EFCAB6: variants seen among roughly 807,000 people sequenced by gnomAD.
EFCAB6 encodes EF-hand calcium-binding domain-containing protein 6.
EFCAB6 carries 156 observed loss-of-function variants against 169.8 expected under a neutral mutation model. That is an observed-to-expected ratio of 0.92 (90% CI 0.81 to 1.05). The LOEUF is 1.05. Ranked by LOEUF, EFCAB6 falls within the 50% of genes least tolerant of loss-of-function variation. EFCAB6 has a pLI of 0.00. For synonymous variants in EFCAB6, 698 were observed against 676.4 expected (o/e 1.03, Z -0.50); for missense variants, 1,800 against 1,829.1 (o/e 0.98, Z 0.29).
At chr22:43,779,286 G>A (rs1446382354) in intron 3 of EFCAB6, among the ~76,000 whole-genome samples, 5 of 152,138 alleles carry the variant, frequency 3.3e-5, no homozygotes, top group Non-Finnish European at 7.4e-5. Context: ...AAAGGAAACA[G>A]TGTGTCTAAT....
At chr22:43,717,317 G>A (rs1425152482) in intron 8 of EFCAB6, among the ~76,000 whole-genome samples, 1 of 147,746 alleles carries the variant, frequency 6.8e-6, no homozygotes, top group Admixed American at 6.8e-5. Context: ...ACTAAAGCCA[G>A]AATTTATTTA....
chr22:43,791,585 A>G (rs1381504588), intron 2 of EFCAB6, among the ~76,000 whole-genome samples: 2 of 151,986 alleles, frequency 1.3e-5, no homozygotes, highest in Non-Finnish European at 2.9e-5. Flanking sequence ...CCATGAGAAG[A>G]ATAAGTTCTA....
chr22:43,626,220 C>G (rs2054508944), intron 20 of EFCAB6, among the ~76,000 whole-genome samples: 1 of 151,872 alleles, frequency 6.6e-6, no homozygotes, highest in Admixed American at 6.6e-5. Flanking sequence ...GAAATGATAC[C>G]CAGCAAAATA....
Position 43,540,362 on chromosome 22 carries a change from A to T in EFCAB6, c.3649-5T>A. ...CTCGTTCCAGAGTCTGTCAAACTGG[A>T]GAAGGAGCAGAAGTCATTTCCCAGG... On this transcript the variant is annotated splice_polypyrimidine_tract_variant and splice_region_variant and intron_variant, in intron 27 of 31. Transcript: ENST00000262726. 6.2e-7 allele frequency: 1 copy of T among 1,613,914 alleles called. No homozygotes were observed. Among genetic ancestry groups the T allele is most frequent in the Non-Finnish European group, 8.5e-7 (1 of 1,180,024 alleles).
chr22:43,756,197 G>A (rs754939270), intron 5 of EFCAB6, among the ~76,000 whole-genome samples: 4 of 152,152 alleles, frequency 2.6e-5, no homozygotes, highest in Non-Finnish European at 4.4e-5. Flanking sequence ...CTGCTTTACC[G>A]AGGAGACTGA....
chr22:43,711,041 TC>T (rs2059142341), intron 10 of EFCAB6, among the ~76,000 whole-genome samples: 1 of 152,188 alleles, frequency 6.6e-6, no homozygotes, highest in African/African-American at 2.4e-5. Context: ...TTAATTTGGA[TC>T]CTGATTTAAA....
intron 25 of EFCAB6, 73 bp from the exon 26 acceptor site, chr22:43,576,561 ACT>A: frequency 1.5e-6 from 2 of 1,321,164 alleles, no homozygotes; most frequent in East Asian, 5.1e-5. Context: ...TTCCTTAAGT[ACT>A]GTTTCTGCTG....
intron 12 of EFCAB6, among the ~76,000 whole-genome samples, chr22:43,681,593 T>G (rs553376849): frequency 7.5e-4 from 114 of 152,356 alleles, no homozygotes; most frequent in Middle Eastern, 3.4e-3. Context: ...TAAGACATAT[T>G]TCTATGTATT....
At chr22:43,618,170 GAAAGAAAGAAA>G (rs1569256938) in intron 20 of EFCAB6, among the ~76,000 whole-genome samples, 157 of 91,686 alleles carry the variant, frequency 1.7e-3, no homozygotes, top group Middle Eastern at 5.9e-3. Context: ...AGGAAGGAAA[GAAAGAAAGAAA>G]GAAAGAAAGA....
At chr22:43,722,613 T>C (rs2059576597) in intron 8 of EFCAB6, among the ~76,000 whole-genome samples, 1 of 151,902 alleles carries the variant, frequency 6.6e-6, no homozygotes, top group African/African-American at 2.4e-5. Flanking sequence ...GGTGGGAATG[T>C]AAATCAGTTC....
chr22:43,569,315 A>G (rs1693488927), intron 26 of EFCAB6, among the ~76,000 whole-genome samples: 1 of 152,240 alleles, frequency 6.6e-6, no homozygotes, highest in South Asian at 2.1e-4. Flanking sequence ...CTCCTTGCCA[A>G]CTTTCCATGA....
At chr22:43,773,952 C>T (rs751013979) in intron 3 of EFCAB6, among the ~76,000 whole-genome samples, 19 of 152,186 alleles carry the variant, frequency 1.2e-4, no homozygotes, top group Admixed American at 2.6e-4. Context: ...GGTCCCAGAG[C>T]TCCCTGTGTC....
intron 8 of EFCAB6, among the ~76,000 whole-genome samples, chr22:43,728,513 C>G (rs1466463143): frequency 6.6e-6 from 1 of 152,200 alleles, no homozygotes; most frequent in Non-Finnish European, 1.5e-5. Context: ...GTTGAACTAA[C>G]TTACACTCCC....
chr22:43,556,956 C>A (rs1362575272), intron 26 of EFCAB6, among the ~76,000 whole-genome samples: 4 of 152,180 alleles, frequency 2.6e-5, no homozygotes, highest in Admixed American at 2.6e-4. Flanking sequence ...ACGAGCATGT[C>A]CCTAAGGGAT....
chr22:43,642,335 ATAAG>A (rs1433232179), intron 17 of EFCAB6, among the ~76,000 whole-genome samples: 4 of 152,096 alleles, frequency 2.6e-5, no homozygotes, highest in Admixed American at 2.6e-4. Flanking sequence ...TTTATTTTTA[ATAAG>A]TAATATTATT....
At position 43,729,334 on chromosome 22, in the gene EFCAB6, T is replaced by C. The variant is rs536885380; in HGVS notation, c.757+2365A>G. The stretch of plus-strand genomic sequence containing the variant: ...TGGTCCTTGGACTCCTGGCCTCAAG[T>C]GATCCTCCTGCCTCAGCCTCCCAAA... On this transcript the variant is annotated intron_variant, in intron 8 of 31. Transcript: ENST00000262726. Among the ~76,000 whole-genome samples, 6 of 152,270 alleles carry C rather than the reference T, an allele frequency of 3.9e-5. No individual in the cohort carries two copies. In the South Asian group the frequency reaches 1.2e-3, roughly 32 times the overall value.
intron 26 of EFCAB6, among the ~76,000 whole-genome samples, chr22:43,565,127 T>C (rs946920195): frequency 4.6e-5 from 7 of 152,192 alleles, no homozygotes; most frequent in Non-Finnish European, 5.9e-5. Flanking sequence ...GTAATTACAA[T>C]GTGATGGAAG....
intron 5 of EFCAB6, among the ~76,000 whole-genome samples, chr22:43,764,865 C>T (rs1290701451): frequency 6.6e-6 from 1 of 151,470 alleles, no homozygotes; most frequent in African/African-American, 2.4e-5. Flanking sequence ...ATGAAATATT[C>T]AAGTAGTTCA....
chr22:43,619,378 C>CAT (rs2053969894), intron 20 of EFCAB6, among the ~76,000 whole-genome samples: 1 of 152,130 alleles, frequency 6.6e-6, no homozygotes, highest in African/African-American at 2.4e-5. Flanking sequence ...TTAACAAAAT[C>CAT]AGAGTGTCAT....
Sources: allele counts gnomAD v4.1 joint callset (sites outside exome capture counted in the v4.1 genomes callset), GRCh38; gene constraint gnomAD v4.1.1; transcripts MANE v1.5; gene names NCBI Gene and HGNC (gene_info 2026-07-23, HGNC 2026-07-21).